The following ZNF496 variants were observed in gnomAD, a reference collection of about 807,000 sequenced individuals.
ZNF496 encodes the protein zinc finger protein 496, also known as NSD1 (nuclear receptor binding SET-domain containing 1)-interacting zinc finger protein 1.
A neutral mutation model predicts 58.9 loss-of-function variants in ZNF496; 11 were observed. The observed-to-expected ratio is 0.19, with a 90% CI of 0.12 to 0.31. ZNF496 has a LOEUF of 0.31. Ranked by LOEUF, ZNF496 falls within the 10% of genes least tolerant of loss-of-function variation. The probability of loss-of-function intolerance (pLI) is 1.00; values close to 1 mark genes in which losing one functional copy is unlikely to be tolerated. For synonymous variants in ZNF496, 338 were observed against 318.2 expected, an observed-to-expected ratio of 1.06 and a Z score of -0.66; for missense variants, 660 against 783.0, an observed-to-expected ratio of 0.84 and a Z score of 1.88.
intron 6 of ZNF496, among the ~76,000 whole-genome samples, chr1:247,317,621 C>A (rs1016514857): frequency 1.3e-5 from 2 of 152,166 alleles, no homozygotes; most frequent in African/African-American, 4.8e-5. Flanking sequence ...AACTCCACTC[C>A]CACTCGGGTG....
At chr1:247,327,549 G>A (rs1660170847) in intron 5 of ZNF496, among the ~76,000 whole-genome samples, 1 of 152,198 alleles carries the variant, frequency 6.6e-6, no homozygotes. Context: ...GTGGTACTTT[G>A]TTATGGCAGC....
intron 9 of ZNF496, among the ~76,000 whole-genome samples, chr1:247,306,231 C>T (rs898465428): frequency 6.6e-6 from 1 of 151,574 alleles, no homozygotes; most frequent in African/African-American, 2.4e-5. Context: ...AGTCTTGCTC[C>T]GTGTCCCAGG....
chr1:247,325,325 A>T (rs1324986919), intron 5 of ZNF496, among the ~76,000 whole-genome samples: 1 of 152,154 alleles, frequency 6.6e-6, no homozygotes, highest in Non-Finnish European at 1.5e-5. Flanking sequence ...TTCTGTGTGT[A>T]TGTTCCATTT....
At chr1:247,301,850 G>A (rs1015280322) in intron 9 of ZNF496, among the ~76,000 whole-genome samples, 2 of 152,186 alleles carry the variant, frequency 1.3e-5, no homozygotes, top group Non-Finnish European at 2.9e-5. Flanking sequence ...ATCTGTGCCA[G>A]GAAGGAGGGC....
At chr1:247,320,086 C>T (rs183157302) in intron 6 of ZNF496, among the ~76,000 whole-genome samples, 30 of 152,230 alleles carry the variant, frequency 2.0e-4, no homozygotes, top group Admixed American at 1.6e-3. Flanking sequence ...TACTTTCTTA[C>T]AAAACTTACC....
intron 9 of ZNF496, among the ~76,000 whole-genome samples, chr1:247,304,458 G>A (rs1405491844): frequency 6.7e-6 from 1 of 150,288 alleles, no homozygotes; most frequent in Non-Finnish European, 1.5e-5. Context: ...TGCAACCTCT[G>A]CCTCCTGGGT....
intron 2 of ZNF496, among the ~76,000 whole-genome samples, chr1:247,330,544 G>A (rs371687180): frequency 2.0e-5 from 3 of 152,286 alleles, no homozygotes; most frequent in African/African-American, 7.2e-5. Flanking sequence ...ACACCTCCCC[G>A]CTGGTGTGCA....
chr1:247,308,544 G>A lies in ZNF496; in HGVS notation c.937C>T (p.Arg313Cys), dbSNP rs139561401. 179 of 1,614,126 alleles carry A rather than the reference G, an allele frequency of 1.1e-4. No homozygotes were observed. In the African/African-American group the frequency reaches 2.0e-3, roughly 18 times the overall value. The part of the protein sequence containing the change: ...QPFQVEERRK[R>C]EELQVPEFQA... ...AACTCTGGCACCTGCAGCTCCTCAC[G>A]TTTCCTTCTTTCTTCTACCTGGAAT... is the stretch of plus-strand genomic sequence containing the variant. Residue 313 changes from arginine (R) to cysteine (C), a missense_variant, in exon 9 of 10, where the codon CGT becomes TGT. Transcript: ENST00000682384. This position sits in a 1 kb window ranked among gnomAD's most constrained non-coding sequence, Gnocchi z 4.5.
At chr1:247,301,709 C>T in intron 9 of ZNF496, among the ~76,000 whole-genome samples, 1 of 152,146 alleles carries the variant, frequency 6.6e-6, no homozygotes, top group East Asian at 1.9e-4. Flanking sequence ...GACTCTACAA[C>T]CTACACATAT....
chr1:247,330,432 G>A lies in ZNF496; in HGVS notation c.-153-351C>T, dbSNP rs1039652099. ...TGCACACTCGCCAAAGCCCTTCCTC[G>A]GCCAGGACAGAAAAGTGGGTCCGTC... On this transcript the variant is annotated intron_variant, in intron 2 of 9. Transcript: ENST00000682384. 5.3e-5 allele frequency among the ~76,000 whole-genome samples: 8 copies of A among 152,212 alleles called. No individual in the cohort carries two copies. The South Asian group carries it at 1.2e-3, about 24-fold the overall frequency.
In ZNF496 at chr1:247,300,299, G is replaced by A. The variant is rs934754631; in HGVS notation, c.*220C>T. The stretch of plus-strand genomic sequence containing the variant: ...TGATGGCACATCCCCCCCGTTTTTT[G>A]GCACAGCAGAAACAGAACACTCACT... On this transcript the variant is annotated 3_prime_UTR_variant, in exon 10 of 10. Coordinates refer to ENST00000682384, the MANE Select transcript of ZNF496 (RefSeq NM_032752.3). This position sits in a 1 kb window ranked among gnomAD's most constrained non-coding sequence, Gnocchi z 5.7. 4.4e-6 allele frequency: 2 copies of A among 451,990 alleles called. No homozygotes were observed. Among genetic ancestry groups the A allele is most frequent in the South Asian group, 6.8e-5 (1 of 14,796 alleles). The allele number at this position is 451,990 out of a possible 1,614,324, so 28.0% of individuals were successfully genotyped here.
rs373277012 is a variant in ZNF496 at position 247,306,560 on chromosome 1, G to A, written c.1006+1915C>T. Among the ~76,000 whole-genome samples the A allele has an allele frequency of 6.0e-5, 9 of 150,256 alleles. No individual in the cohort carries two copies. The East Asian group carries it at 7.8e-4, about 13-fold the overall frequency. ...CTCTCGCTCTGTTGTCCAGACTGGAGTGCAGTGTCATGATTTCTGCAGCCT... is the reference window on the plus strand; with the variant it reads ...CTCTCGCTCTGTTGTCCAGACTGGAATGCAGTGTCATGATTTCTGCAGCCT... On this transcript the variant is annotated intron_variant, in intron 9 of 9. Transcript: ENST00000682384.
chr1:247,330,175 G>A (rs560061582), intron 2 of ZNF496, 94 bp from the exon 3 acceptor site: 2 of 152,270 alleles, frequency 1.3e-5, no homozygotes, highest in East Asian at 1.9e-4. Flanking sequence ...ATGGTGCTGC[G>A]TGCTGGATGG....
rs1572065105 is a variant in ZNF496, at chr1:247,298,192, C to T, written c.*2327G>A. 6.6e-6 allele frequency: 1 copy of T among 152,324 alleles called. No homozygotes were observed. The highest frequency in any genetic ancestry group is 1.9e-4 in the East Asian group (1 of 5,180). 9.4% of individuals were successfully genotyped at this position (152,324 alleles called of 1,614,324 possible). A position where few individuals can be genotyped will look rare whatever the true frequency, so the allele number is the denominator to read the frequency against. ...AGACAAACTATTTAGAAAGTAAAAG[C>T]CTCAACCGTTTATTTTGTGTTCAAA... On this transcript the variant is annotated 3_prime_UTR_variant, in exon 10 of 10. Transcript: ENST00000682384.
chr1:247,328,961 G>C, intron 4 of ZNF496, 95 bp from the exon 5 acceptor site: 1 of 1,467,910 alleles, frequency 6.8e-7, no homozygotes, highest in Non-Finnish European at 9.1e-7. Flanking sequence ...ACCATCAAAG[G>C]CTCAACTTAG....
chr1:247,316,907 G>A lies in ZNF496; in HGVS notation c.651+6247C>T, dbSNP rs538040511. ...CAGCGGGATCCTTTTATTTGTGATCGATTTATTTGTGAGGCACACAAATAA... is the reference window on the plus strand; with the variant it reads ...CAGCGGGATCCTTTTATTTGTGATCAATTTATTTGTGAGGCACACAAATAA... On this transcript the variant is annotated intron_variant, in intron 6 of 9. Coordinates refer to ENST00000682384, the MANE Select transcript of ZNF496 (RefSeq NM_032752.3). 5.1e-4 allele frequency among the ~76,000 whole-genome samples: 77 copies of A among 152,198 alleles called. No homozygotes were observed. In the Middle Eastern group the frequency reaches 0.01, roughly 20 times the overall value.
chr1:247,301,376 G>C, intron 9 of ZNF496, 100 bp from the exon 10 acceptor site: 5 of 1,427,142 alleles, frequency 3.5e-6, no homozygotes, highest in Non-Finnish European at 4.6e-6. Context: ...TTACAAACCC[G>C]TGTTTTTACA....
At chr1:247,327,060 TC>T (rs1217521274) in intron 5 of ZNF496, among the ~76,000 whole-genome samples, 1 of 152,034 alleles carries the variant, frequency 6.6e-6, no homozygotes, top group African/African-American at 2.4e-5. Flanking sequence ...CCCTCCTAGC[TC>T]CTTTTTTTTT....
rs547378982 is a variant in ZNF496 at position 247,298,660 on chromosome 1, A to G, written c.*1859T>C. 6.6e-6 allele frequency: 1 copy of G among 152,428 alleles called. No homozygotes were observed. The highest frequency in any genetic ancestry group is 1.5e-5 in the Non-Finnish European group (1 of 68,100). The allele number at this position is 152,428 out of a possible 1,614,324, so 9.4% of individuals were successfully genotyped here. On this transcript the variant is annotated 3_prime_UTR_variant, in exon 10 of 10. Transcript: ENST00000682384. ...AATTACGTGAGTGACAAGGAGCACCAGGAGCCTTGCCTGACTTACTGTCTG... is the reference window on the plus strand; with the variant it reads ...AATTACGTGAGTGACAAGGAGCACCGGGAGCCTTGCCTGACTTACTGTCTG...
Sources: gnomAD v4.1 joint callset for allele counts (sites outside exome capture counted in the v4.1 genomes callset) on GRCh38, gnomAD v4.1.1 for gene constraint, Gnocchi (gnomAD v3.1) non-coding constraint, MANE v1.5 for transcripts, NCBI Gene and HGNC (gene_info 2026-07-23, HGNC 2026-07-21) for gene names.